TCERG1L: variants seen among roughly 807,000 people sequenced by gnomAD.
TCERG1L encodes the protein transcription elongation regulator 1 like, also known as transcription elongation regulator 1-like protein.
In TCERG1L, 37 loss-of-function variants were observed where a neutral mutation model predicts 56.3. That is an observed-to-expected ratio of 0.66 (90% CI 0.51 to 0.87). The LOEUF is 0.87. TCERG1L is among the 40% of genes least tolerant of loss of function. The probability of loss-of-function intolerance (pLI) is 0.00; values close to 1 mark genes in which losing one functional copy is unlikely to be tolerated. For synonymous variants in TCERG1L, 324 were observed against 326.3 expected, an observed-to-expected ratio of 0.99 and a Z score of 0.08; for missense variants, 799 against 774.2, an observed-to-expected ratio of 1.03 and a Z score of -0.38.
intron 10 of TCERG1L, among the ~76,000 whole-genome samples, chr10:131,099,774 C>G (rs61862965): frequency 0.18 from 27,121 of 152,232 alleles, 2,756 homozygotes; most frequent in Middle Eastern, 0.24. Context: ...CCTGAAGATA[C>G]AGCAGCGAAA....
chr10:131,161,980 G>C (rs1274661274), intron 6 of TCERG1L: 1 of 152,222 alleles, frequency 6.6e-6, no homozygotes, highest in Admixed American at 6.5e-5. Flanking sequence ...CCTGAGTTCT[G>C]TGAGTGGTCC....
At chr10:131,247,950 TAC>T (rs1158904172) in intron 4 of TCERG1L, among the ~76,000 whole-genome samples, 1 of 149,304 alleles carries the variant, frequency 6.7e-6, no homozygotes, top group African/African-American at 2.5e-5. Flanking sequence ...TAAACTCACA[TAC>T]ACACACTAAA....
chr10:131,168,231 T>C (rs767439792), intron 4 of TCERG1L, among the ~76,000 whole-genome samples: 9 of 152,232 alleles, frequency 5.9e-5, no homozygotes, highest in Non-Finnish European at 1.2e-4. Flanking sequence ...GCTACACGTC[T>C]GTGCTTGAAG....
chr10:131,117,878 C>T (rs923601844), intron 8 of TCERG1L, among the ~76,000 whole-genome samples: 3 of 152,246 alleles, frequency 2.0e-5, no homozygotes, highest in African/African-American at 7.2e-5. Flanking sequence ...GAAATGTTTG[C>T]TGCTGGAAGA....
intron 6 of TCERG1L, among the ~76,000 whole-genome samples, chr10:131,147,426 T>C (rs1457757089): frequency 2.0e-5 from 3 of 152,194 alleles, no homozygotes; most frequent in Non-Finnish European, 4.4e-5. Flanking sequence ...CGGGAGACTC[T>C]GCACTCTGAC....
chr10:131,241,611 GACAT>G, intron 4 of TCERG1L, among the ~76,000 whole-genome samples: 1 of 144,972 alleles, frequency 6.9e-6, no homozygotes, highest in East Asian at 2.2e-4. Context: ...CATAAGAGAG[GACAT>G]GCATGAACAC....
chr10:131,260,373 TGGCAGCGGC>T lies in TCERG1L; in HGVS notation c.733_741del (p.Ala245_Ala247del). The T allele has an allele frequency of 6.7e-7, 1 of 1,498,462 alleles. No individual in the cohort carries two copies. The highest frequency in any genetic ancestry group is 8.8e-7 in the Non-Finnish European group (1 of 1,134,572). The allele number at this position is 1,498,462 out of a possible 1,614,324, so 92.8% of individuals were successfully genotyped here. Reference sequence around the variant, plus strand: ...AGGTTCTCAGGGTCCACGGAGACCATGGCAGCGGCGGCGGCGGTGGCGATGGCAATGGCG... The same window carrying T: ...AGGTTCTCAGGGTCCACGGAGACCATGGCGGCGGTGGCGATGGCAATGGCG... On this transcript the variant is annotated inframe_deletion, in exon 4 of 12. Transcript: ENST00000368642. This position sits in a 1 kb window ranked among gnomAD's most constrained non-coding sequence, Gnocchi z 5.8.
intron 7 of TCERG1L, among the ~76,000 whole-genome samples, chr10:131,134,717 G>C (rs1046350814): frequency 1.1e-4 from 17 of 152,184 alleles, no homozygotes; most frequent in African/African-American, 4.1e-4. Flanking sequence ...GAGGGGCTGG[G>C]GGGTGGAGAA....
At chr10:131,289,145 T>C (rs1846579294) in intron 3 of TCERG1L, among the ~76,000 whole-genome samples, 1 of 22,848 alleles carries the variant, frequency 4.4e-5, no homozygotes, top group Non-Finnish European at 8.6e-5. Flanking sequence ...AAAGTCTTGA[T>C]TTTTTTTTTT....
intron 4 of TCERG1L, among the ~76,000 whole-genome samples, chr10:131,206,290 G>C (rs746599692): frequency 9.2e-5 from 14 of 152,206 alleles, no homozygotes; most frequent in Non-Finnish European, 1.9e-4. Flanking sequence ...GTGGACTCAG[G>C]GCACTGGGCA....
chr10:131,143,501 G>T (rs1009877251), intron 7 of TCERG1L, among the ~76,000 whole-genome samples: 6 of 152,182 alleles, frequency 3.9e-5, no homozygotes, highest in Non-Finnish European at 8.8e-5. Flanking sequence ...AAATGTCCCA[G>T]TGAAGTGACA....
intron 7 of TCERG1L, among the ~76,000 whole-genome samples, chr10:131,137,472 T>C (rs192669434): frequency 3.7e-4 from 56 of 152,276 alleles, no homozygotes; most frequent in African/African-American, 1.2e-3. Flanking sequence ...CTGCACCTCG[T>C]GGCGTTTGAA....
intron 4 of TCERG1L, among the ~76,000 whole-genome samples, chr10:131,187,294 C>T (rs1845255012): frequency 6.6e-6 from 1 of 152,218 alleles, no homozygotes; most frequent in Non-Finnish European, 1.5e-5. Context: ...AATGATGAAG[C>T]TGGTATTCGA....
rs150516038 is a variant in TCERG1L, at chr10:131,099,689, T to C, written c.1486-1265A>G. Among the ~76,000 whole-genome samples, 256 of 152,316 alleles carry C rather than the reference T, an allele frequency of 1.7e-3. 2 individuals carry two copies. The highest frequency in any genetic ancestry group is 3.2e-3 in the Non-Finnish European group (215 of 68,030). ...CTCCGGAGTGGCTTTCTTCCCACTT[T>C]GTCTTATTGTTTCAGATTCCATGTC... On this transcript the variant is annotated intron_variant, in intron 10 of 11. Coordinates refer to ENST00000368642, the MANE Select transcript of TCERG1L (RefSeq NM_174937.4).
At chr10:131,178,391 G>T (rs1205666643) in intron 4 of TCERG1L, among the ~76,000 whole-genome samples, 1 of 152,176 alleles carries the variant, frequency 6.6e-6, no homozygotes, top group African/African-American at 2.4e-5. Flanking sequence ...TGTGACAAAT[G>T]GGGTAACGAG....
intron 4 of TCERG1L, among the ~76,000 whole-genome samples, chr10:131,198,460 C>T (rs1445106480): frequency 6.6e-6 from 1 of 152,234 alleles, no homozygotes; most frequent in Non-Finnish European, 1.5e-5. Flanking sequence ...TGTCTCTGCC[C>T]ATGCCGCACT....
Position 131,289,060 on chromosome 10 carries a change from A to G in TCERG1L, c.670+19151T>C, listed in dbSNP as rs528973990. 3.3e-5 allele frequency among the ~76,000 whole-genome samples: 5 copies of G among 152,352 alleles called. No individual in the cohort carries two copies. In the South Asian group the frequency reaches 1.0e-3, roughly 32 times the overall value. The stretch of plus-strand genomic sequence containing the variant: ...AAAAGTCAGGGTTACAGAATTATTA[A>G]AAGCTCTTCCTATTTCCTGACAAAA... On this transcript the variant is annotated intron_variant, in intron 3 of 11. Transcript: ENST00000368642.
At chr10:131,165,839 G>A (rs1184031396) in intron 5 of TCERG1L, among the ~76,000 whole-genome samples, 1 of 152,198 alleles carries the variant, frequency 6.6e-6, no homozygotes, top group African/African-American at 2.4e-5. Flanking sequence ...GATAAAAACG[G>A]CTAATCATGG....
intron 4 of TCERG1L, among the ~76,000 whole-genome samples, chr10:131,218,716 C>T (rs1845700372): frequency 6.6e-6 from 1 of 152,196 alleles, no homozygotes; most frequent in African/African-American, 2.4e-5. Context: ...CACCGGGAAT[C>T]ATCTCAAATC....
Sources: allele counts gnomAD v4.1 joint callset (sites outside exome capture counted in the v4.1 genomes callset), GRCh38; gene constraint gnomAD v4.1.1; non-coding constraint Gnocchi (gnomAD v3.1); transcripts MANE v1.5; gene names NCBI Gene and HGNC (gene_info 2026-07-23, HGNC 2026-07-21).